Variants in PTPRD observed in about 807,000 individuals in gnomAD.
The protein encoded by PTPRD is receptor-type tyrosine-protein phosphatase delta.
A neutral mutation model predicts 214.5 loss-of-function variants in PTPRD; 34 were observed. That is an observed-to-expected ratio of 0.16 (90% CI 0.12 to 0.21). PTPRD has a LOEUF of 0.21. Ranked by LOEUF, PTPRD falls within the 10% of genes least tolerant of loss-of-function variation. The pLI, the probability that PTPRD is intolerant of heterozygous loss-of-function variation, is 1.00. For missense variants in PTPRD, 2,545 were observed against 2,398.7 expected (o/e 1.06, Z -1.27); for synonymous variants, 1,128 against 845.7 (o/e 1.33, Z -5.79).
At chr9:10,010,579 C>A (rs1380506468) in intron 4 of PTPRD, among the ~76,000 whole-genome samples, 1 of 151,770 alleles carries the variant, frequency 6.6e-6, no homozygotes. Context: ...TGGCCATGCA[C>A]AGCACTCAGG....
intron 9 of PTPRD, among the ~76,000 whole-genome samples, chr9:9,242,581 T>A (rs2099970909): frequency 6.6e-6 from 1 of 152,178 alleles, no homozygotes; most frequent in South Asian, 2.1e-4. Context: ...CTCGCTTCAT[T>A]TCATTCATTT....
chr9:10,106,042 A>G (rs56266784), intron 3 of PTPRD, among the ~76,000 whole-genome samples: 6,845 of 144,124 alleles, frequency 0.047, 230 homozygotes, highest in Admixed American at 0.087. Flanking sequence ...AAAAAAGGAC[A>G]TTCTTTTGTA....
intron 3 of PTPRD, among the ~76,000 whole-genome samples, chr9:10,080,636 A>T (rs1195118481): frequency 6.6e-6 from 1 of 152,158 alleles, no homozygotes; most frequent in Non-Finnish European, 1.5e-5. Flanking sequence ...GCTTTGCCTT[A>T]TCTCAATATA....
chr9:9,740,367 T>G (rs1016801447), intron 6 of PTPRD, among the ~76,000 whole-genome samples: 3 of 151,880 alleles, frequency 2.0e-5, no homozygotes, highest in Non-Finnish European at 2.9e-5. Context: ...TACTATTTTT[T>G]TTTTTTTGGA....
At chr9:8,412,019 A>T (rs1289092791) in intron 35 of PTPRD, among the ~76,000 whole-genome samples, 1 of 152,222 alleles carries the variant, frequency 6.6e-6, no homozygotes, top group African/African-American at 2.4e-5. Context: ...TAAATAGACA[A>T]TGTTGACTGA....
intron 4 of PTPRD, among the ~76,000 whole-genome samples, chr9:10,028,423 G>T (rs2096973612): frequency 6.6e-6 from 1 of 152,160 alleles, no homozygotes; most frequent in Admixed American, 6.5e-5. Context: ...GTAACAGGCA[G>T]AGGTTGCAAC....
chr9:8,545,510 G>A (rs766347045), intron 14 of PTPRD, among the ~76,000 whole-genome samples: 29 of 152,248 alleles, frequency 1.9e-4, no homozygotes, highest in Non-Finnish European at 3.5e-4. Context: ...TTGATAAAAC[G>A]TATAACATTT....
chr9:10,440,348 C>T (rs185179546), intron 2 of PTPRD, among the ~76,000 whole-genome samples: 22 of 151,758 alleles, frequency 1.4e-4, no homozygotes, highest in African/African-American at 5.3e-4. Flanking sequence ...TTAAAAAGAG[C>T]TTCTTCAAAA....
Position 9,538,987 on chromosome 9 carries a change from A to C in PTPRD, c.-237+35745T>G, listed in dbSNP as rs375514809. ...TCTAGGCTCTGATGATAGAGCAGTA[A>C]GTAAGACAGCCATGTTCCTGTTATG... On this transcript the variant is annotated intron_variant, in intron 8 of 45. Transcript: ENST00000381196. 4.1e-4 allele frequency among the ~76,000 whole-genome samples: 63 copies of C among 152,016 alleles called. 1 individual carries two copies. Among genetic ancestry groups the C allele is most frequent in the South Asian group, 2.9e-3 (14 of 4,824 alleles).
chr9:8,928,440 C>T (rs918888743), intron 11 of PTPRD, among the ~76,000 whole-genome samples: 5 of 152,150 alleles, frequency 3.3e-5, no homozygotes, highest in African/African-American at 1.2e-4. Context: ...GTTTTCCCAA[C>T]ACCATTTATT....
At chr9:9,412,543 T>C (rs1042254473) in intron 8 of PTPRD, among the ~76,000 whole-genome samples, 1 of 152,086 alleles carries the variant, frequency 6.6e-6, no homozygotes, top group African/African-American at 2.4e-5. Context: ...ACAGTTACTT[T>C]CCCAGCCTCA....
intron 11 of PTPRD, among the ~76,000 whole-genome samples, chr9:8,948,437 T>TATA (rs2099080019): frequency 5.0e-5 from 1 of 20,110 alleles, no homozygotes; most frequent in Non-Finnish European, 8.4e-5. Flanking sequence ...ATATATATAT[T>TATA]TACATATATA....
chr9:9,970,374 C>T (rs188160054), intron 4 of PTPRD, among the ~76,000 whole-genome samples: 1,703 of 142,640 alleles, frequency 0.012, 17 homozygotes, highest in Non-Finnish European at 0.014. Flanking sequence ...GGCGTGAACC[C>T]GGGAGGCGGA....
intron 10 of PTPRD, among the ~76,000 whole-genome samples, chr9:9,135,120 C>A (rs1368862662): frequency 6.6e-6 from 1 of 152,064 alleles, no homozygotes; most frequent in Non-Finnish European, 1.5e-5. Context: ...TGAGTTGTGT[C>A]TGGAATTATA....
At chr9:8,820,427 A>C (rs1192300685) in intron 11 of PTPRD, among the ~76,000 whole-genome samples, 2 of 152,124 alleles carry the variant, frequency 1.3e-5, no homozygotes, top group Non-Finnish European at 2.9e-5. Flanking sequence ...AAATATACAG[A>C]ATATATTTAT....
intron 10 of PTPRD, among the ~76,000 whole-genome samples, chr9:9,031,897 G>A (rs1376482151): frequency 2.6e-5 from 4 of 151,834 alleles, no homozygotes; most frequent in Admixed American, 2.6e-4. Flanking sequence ...AAAAAATGGG[G>A]CATTTTACTA....
At chr9:9,653,497 G>A (rs529121687) in intron 7 of PTPRD, among the ~76,000 whole-genome samples, 10 of 150,594 alleles carry the variant, frequency 6.6e-5, no homozygotes, top group Admixed American at 6.0e-4. Flanking sequence ...AGAAAAAACT[G>A]CACCTAAACT....
At chr9:8,832,104 A>ATGTGTG (rs34699954) in intron 11 of PTPRD, among the ~76,000 whole-genome samples, 77 of 148,872 alleles carry the variant, frequency 5.2e-4, no homozygotes, top group African/African-American at 1.8e-3. Context: ...GTATGTGTAT[A>ATGTGTG]TGTGTGTGTG....
In PTPRD at chr9:9,536,999, T is replaced by C. The variant is rs551774112; in HGVS notation, c.-237+37733A>G. Among the ~76,000 whole-genome samples, 4 of 152,088 alleles carry C rather than the reference T, an allele frequency of 2.6e-5. No homozygotes were observed. In the South Asian group the frequency reaches 8.3e-4, roughly 32 times the overall value. The stretch of plus-strand genomic sequence containing the variant: ...TTTCATCTACTAATTGCAGTACCTA[T>C]GGTTCAACAAAAGTTTTACCTAATG... On this transcript the variant is annotated intron_variant, in intron 8 of 45. Coordinates refer to ENST00000381196, the MANE Select transcript of PTPRD (RefSeq NM_002839.4).
Sources: allele counts gnomAD v4.1 joint callset (sites outside exome capture counted in the v4.1 genomes callset), GRCh38; gene constraint gnomAD v4.1.1; transcripts MANE v1.5; gene names NCBI Gene and HGNC (gene_info 2026-07-23, HGNC 2026-07-21).